Variants in LILRA4 observed in about 807,000 individuals in gnomAD.
LILRA4 encodes the protein leukocyte immunoglobulin like receptor A4.
LILRA4 carries 51 observed loss-of-function variants against 49.5 expected under a neutral mutation model. The observed-to-expected ratio is 1.03, with a 90% CI of 0.82 to 1.30. The LOEUF (loss-of-function observed/expected upper bound fraction) is 1.30, where lower values mean the gene tolerates loss of function less well. LILRA4 is among the 50% of genes most tolerant of loss of function. The probability of loss-of-function intolerance (pLI) is 0.00; values close to 1 mark genes in which losing one functional copy is unlikely to be tolerated. For missense variants in LILRA4, 624 were observed against 625.6 expected (o/e 1.00, Z 0.03); for synonymous variants, 272 against 265.6 (o/e 1.02, Z -0.23).
rs1465079687 is a variant in LILRA4, at chr19:54,338,887, G to A, written c.49C>T (p.Pro17Ser). The A allele has an allele frequency of 1.2e-6, 2 of 1,614,092 alleles. No individual in the cohort carries two copies. Among genetic ancestry groups the A allele is most frequent in the East Asian group, 2.2e-5 (1 of 44,862 alleles). Residue 17 changes from proline to serine, a missense_variant, in exon 2 of 8, where the codon CCC (proline) becomes TCC (serine). Physicochemically the swap from Pro to Ser is moderately conservative, Grantham distance 74. Coordinates refer to ENST00000291759, the MANE Select transcript of LILRA4 (RefSeq NM_012276.5). ...TCACCTGCCTGCACCCGGGTCCTGG[G>A]GCCCAGGCTCAGCCCTGGAAGAGAG... ...SLLFFGLSLGPRTRVQAENLL... is the reference protein window; with the variant it reads ...SLLFFGLSLGSRTRVQAENLL...
rs769104002 is a variant in LILRA4 at position 54,337,623 on chromosome 19, C to CT, written c.728dup (p.Cys244ValfsTer4). On this transcript the variant is annotated frameshift_variant, in exon 5 of 8. Coordinates refer to ENST00000291759, the MANE Select transcript of LILRA4 (RefSeq NM_012276.5). LOFTEE classifies it high-confidence loss of function. Reference sequence around the variant, plus strand: ...TGATGTAGCCGACATCAGAGCCACACTGGAGGGTCAGATTCTCTCCGGGGG... The same window carrying CT: ...TGATGTAGCCGACATCAGAGCCACACTTGGAGGGTCAGATTCTCTCCGGGGG... The CT allele has an allele frequency of 3.6e-5, 58 of 1,613,664 alleles. No individual in the cohort carries two copies. Among genetic ancestry groups the CT allele is most frequent in the Non-Finnish European group, 4.7e-5 (56 of 1,179,930 alleles).
intron 6 of LILRA4, chr19:54,335,139 G>A (rs887500499): frequency 1.4e-4 from 21 of 151,984 alleles, no homozygotes; most frequent in African/African-American, 4.6e-4. Flanking sequence ...GATTAACATG[G>A]TTTATAAAAT....
rs143964869 is a variant in LILRA4 at position 54,338,535 on chromosome 19, T to C, written c.216A>G (p.Leu72=). The change falls in exon 3 of 8, where the codon TTA becomes TTG. Residue 72 remains leucine, a synonymous_variant. Transcript: ENST00000291759. ...KEGNSMSRHI[L]KTLESENKVK... is the part of the protein sequence containing the mutation. ...CCTTGTTTTCAGACTCCAGTGTTTT[T>C]AATATGTGCCTCGACATTGAGTTTC... 1.2e-6 allele frequency: 2 copies of C among 1,614,154 alleles called. No homozygotes were observed. Among genetic ancestry groups the C allele is most frequent in the Non-Finnish European group, 8.5e-7 (1 of 1,180,008 alleles).
In LILRA4 at chr19:54,337,549, C is replaced by A. The variant is rs1166128894; in HGVS notation, c.803G>T (p.Gly268Val). The A allele has an allele frequency of 6.2e-7, 1 of 1,613,338 alleles. No individual in the cohort carries two copies. The highest frequency in any genetic ancestry group is 2.2e-5 in the East Asian group (1 of 44,876). ...EGADGLPQRPGRQPQAGLSQA... is the reference protein window; with the variant it reads ...EGADGLPQRPVRQPQAGLSQA... Reference sequence around the variant, plus strand: ...GGAGAGCCCAGCCTGGGGCTGCCGGCCAGGGCGCTGGGGGAGGCCATCGGC... The same window carrying A: ...GGAGAGCCCAGCCTGGGGCTGCCGGACAGGGCGCTGGGGGAGGCCATCGGC... Residue 268 changes from glycine to valine, a missense_variant, in exon 5 of 8, where the codon GGC becomes GTC. Transcript: ENST00000291759.
intron 6 of LILRA4, chr19:54,336,431 ATCTC>A: frequency 2.0e-5 from 5 of 245,290 alleles, no homozygotes; most frequent in South Asian, 8.1e-5. Flanking sequence ...CCTCAGTCTA[ATCTC>A]ATCTCCTCCA....
Position 54,338,381 on chromosome 19 carries a change from T to A in LILRA4, c.355+15A>T, listed in dbSNP as rs553583744. ...GGGCAGAGCCTGGGGCTGGGACCCC[T>A]GAGTGTCCTCTCACCTGTCACCACC... On this transcript the variant is annotated intron_variant, in intron 3 of 7. Coordinates refer to ENST00000291759, the MANE Select transcript of LILRA4 (RefSeq NM_012276.5). 1.2e-6 allele frequency: 2 copies of A among 1,613,584 alleles called. No individual in the cohort carries two copies. The highest frequency in any genetic ancestry group is 3.3e-5 in the Admixed American group (2 of 59,992).
chr19:54,333,595 C>G lies in LILRA4; in HGVS notation c.1477G>C (p.Val493Leu). ...SRKDNAPFRV[V>L]EPWEQI ...CATCAGATCTGTTCCCAAGGCTCCA[C>G]CACTCTGAAGGGTGCATTGTCCTTT... is the stretch of plus-strand genomic sequence containing the variant. The change falls in exon 8 of 8, where the codon GTG becomes CTG. Residue 493 changes from valine (V) to leucine (L), a missense_variant. Transcript: ENST00000291759. The G allele has an allele frequency of 6.2e-7, 1 of 1,614,140 alleles. No homozygotes were observed. Among genetic ancestry groups the G allele is most frequent in the South Asian group, 1.1e-5 (1 of 91,082 alleles).
Position 54,338,243 on chromosome 19 carries a change from G to C in LILRA4, c.356-8C>G, listed in dbSNP as rs548750401. 2.5e-6 allele frequency: 4 copies of C among 1,600,358 alleles called. No individual in the cohort carries two copies. Among genetic ancestry groups the C allele is most frequent in the South Asian group, 1.1e-5 (1 of 89,914 alleles). On this transcript the variant is annotated splice_polypyrimidine_tract_variant and splice_region_variant and intron_variant, in intron 3 of 7. Transcript: ENST00000291759. Reference sequence around the variant, plus strand: ...GGGTGGGTCTGCTGTAGGCTTTCAAGAGAAAAAAAGGCAGCCGTGTTTAAA... The same window carrying C: ...GGGTGGGTCTGCTGTAGGCTTTCAACAGAAAAAAAGGCAGCCGTGTTTAAA...
Position 54,338,213 on chromosome 19 carries a change from G to C in LILRA4, c.378C>G (p.Ser126=), listed in dbSNP as rs769153231. The C allele has an allele frequency of 3.7e-6, 6 of 1,612,456 alleles. No homozygotes were observed. The highest frequency in any genetic ancestry group is 1.7e-4 in the Middle Eastern group (1 of 6,052). ...AGGTCACCACAGGGCTTGGCAGTGC[G>C]GACAGGGTGGGTCTGCTGTAGGCTT... ...VVTAYSRPTL[S]ALPSPVVTSG... The change falls in exon 4 of 8, where the codon TCC becomes TCG. Residue 126 remains serine (S), a synonymous_variant. Coordinates refer to ENST00000291759, the MANE Select transcript of LILRA4 (RefSeq NM_012276.5).
intron 6 of LILRA4, 87 bp from the exon 7 acceptor site, chr19:54,334,052 G>T (rs1333334669): frequency 5.5e-6 from 6 of 1,093,970 alleles, no homozygotes; most frequent in Admixed American, 1.8e-5. Flanking sequence ...CACCTCTCAT[G>T]GTGTGACTTT....
At chr19:54,334,195 G>T in intron 6 of LILRA4, 1 of 537,020 alleles carries the variant, frequency 1.9e-6, no homozygotes, top group Non-Finnish European at 3.3e-6. Flanking sequence ...GTTTACTTGA[G>T]CCCAGGAGCT....
rs1026797731 is a variant in LILRA4 at position 54,337,958 on chromosome 19, G to C, written c.633C>G (p.Asp211Glu). 1.2e-6 allele frequency: 2 copies of C among 1,611,990 alleles called. No individual in the cohort carries two copies. Among genetic ancestry groups the C allele is most frequent in the Non-Finnish European group, 1.7e-6 (2 of 1,179,222 alleles). ...CACCTGACACCAGTAGCTGCAGGGG[G>C]TCACTGGGTTCCGACCACACGTATG... is the stretch of plus-strand genomic sequence containing the variant. The part of the protein sequence containing the change: ...NTPYVWSEPS[D>E]PLQLLVSGVS... Residue 211 changes from aspartate to glutamate, a missense_variant, in exon 4 of 8, where the codon GAC (aspartate) becomes GAG (glutamate). Physicochemically the swap from Asp to Glu is conservative, Grantham distance 45 (BLOSUM62 2). Transcript: ENST00000291759.
chr19:54,337,624 T>G lies in LILRA4; in HGVS notation c.728A>C (p.Gln243Pro), dbSNP rs1281845972. ...VVTPGENLTL[Q>P]CGSDVGYIRY... ...GATGTAGCCGACATCAGAGCCACACTGGAGGGTCAGATTCTCTCCGGGGGT... is the reference window on the plus strand; with the variant it reads ...GATGTAGCCGACATCAGAGCCACACGGGAGGGTCAGATTCTCTCCGGGGGT... The change falls in exon 5 of 8, where the codon CAG becomes CCG. Residue 243 changes from glutamine (Q) to proline (P), a missense_variant. Coordinates refer to ENST00000291759, the MANE Select transcript of LILRA4 (RefSeq NM_012276.5). 6.2e-7 allele frequency: 1 copy of G among 1,613,622 alleles called. No homozygotes were observed. Among genetic ancestry groups the G allele is most frequent in the East Asian group, 2.2e-5 (1 of 44,856 alleles).
Position 54,333,485 on chromosome 19 carries a change from G to A in LILRA4, c.*87C>T. On this transcript the variant is annotated 3_prime_UTR_variant, in exon 8 of 8. Transcript: ENST00000291759. ...TCTACAGACACCCAGACATCTTCCT[G>A]CACCTGACCCATGCTTCTTCCCCTT... 1.5e-6 allele frequency: 2 copies of A among 1,320,014 alleles called. No individual in the cohort carries two copies. Among genetic ancestry groups the A allele is most frequent in the Non-Finnish European group, 2.2e-6 (2 of 925,184 alleles). 81.8% of individuals were successfully genotyped at this position (1,320,014 alleles called of 1,614,324 possible).
chr19:54,334,027 A>T, intron 6 of LILRA4, 62 bp from the exon 7 acceptor site: 6 of 1,304,718 alleles, frequency 4.6e-6, no homozygotes, highest in Non-Finnish European at 6.7e-6. Flanking sequence ...TGGGCAATGC[A>T]TTCTTATATT....
intron 6 of LILRA4, chr19:54,334,230 C>G (rs2081300543): frequency 4.2e-6 from 2 of 478,704 alleles, no homozygotes; most frequent in Non-Finnish European, 7.4e-6. Flanking sequence ...AGAATGATCC[C>G]CCAACTAGAA....
At chr19:54,337,718 G>A (rs2081345994) in intron 4 of LILRA4, 22 bp from the exon 5 acceptor site, 1 of 1,604,394 alleles carries the variant, frequency 6.2e-7, no homozygotes, top group African/African-American at 1.3e-5. Flanking sequence ...GATGAGTTGG[G>A]ACTCGGAGCG....
Position 54,333,376 on chromosome 19 carries a change from T to G in LILRA4, c.*196A>C. On this transcript the variant is annotated 3_prime_UTR_variant, in exon 8 of 8. Transcript: ENST00000291759. ...ACCATAGGGGTGAAGCCTTACATCA[T>G]AGGGAAGAAAAACGAAGGAAGGGGC... 1.6e-6 allele frequency: 1 copy of G among 624,722 alleles called. No homozygotes were observed. Among genetic ancestry groups the G allele is most frequent in the South Asian group, 2.1e-5 (1 of 48,064 alleles). The allele number at this position is 624,722 out of a possible 1,614,324, so 38.7% of individuals were successfully genotyped here. A position where few individuals can be genotyped will look rare whatever the true frequency, so the allele number is the denominator to read the frequency against.
intron 7 of LILRA4, 28 bp downstream of exon 7, chr19:54,333,887 C>A (rs1406460295): frequency 6.2e-7 from 1 of 1,613,138 alleles, no homozygotes; most frequent in Admixed American, 1.7e-5. Context: ...GTGCCCAGCC[C>A]CATAACTGGG....
Sources: allele counts gnomAD v4.1 joint callset, GRCh38; gene constraint gnomAD v4.1.1; transcripts MANE v1.5; gene names NCBI Gene and HGNC (gene_info 2026-07-23, HGNC 2026-07-21).